The following UMAD1 variants were observed in gnomAD, a reference collection of about 807,000 sequenced individuals.
UMAD1 encodes UBAP1-MVB12-associated (UMA) domain containing 1.
In UMAD1, 8 loss-of-function variants were observed where a neutral mutation model predicts 6.1. That is an observed-to-expected ratio of 1.30 (90% CI 0.76 to 2.35). The LOEUF (loss-of-function observed/expected upper bound fraction) is 2.35. Ranked by LOEUF, UMAD1 falls within the 30% of genes most tolerant of loss-of-function variation. UMAD1 has a pLI of 0.00. For synonymous variants in UMAD1, 56 were observed against 31.4 expected (o/e 1.78, Z -2.61); for missense variants, 130 against 78.4 (o/e 1.66, Z -2.49).
intron 2 of UMAD1, among the ~76,000 whole-genome samples, chr7:7,744,635 T>G (rs1470335217): frequency 6.6e-6 from 1 of 151,748 alleles, no homozygotes; most frequent in South Asian, 2.1e-4. Flanking sequence ...GTGAGTGTGA[T>G]ATAGTAGTTC....
chr7:7,777,493 G>T (rs1380396292), intron 2 of UMAD1, among the ~76,000 whole-genome samples: 1 of 128,000 alleles, frequency 7.8e-6, no homozygotes, highest in Non-Finnish European at 1.6e-5. Context: ...GAGACAGTGT[G>T]AGACTCCATC....
chr7:7,852,838 A>G (rs1783943604), intron 3 of UMAD1, among the ~76,000 whole-genome samples: 1 of 152,222 alleles, frequency 6.6e-6, no homozygotes, highest in South Asian at 2.1e-4. Context: ...GTGACTGGAC[A>G]AAATGGATAT....
intron 3 of UMAD1, among the ~76,000 whole-genome samples, chr7:7,805,660 C>A (rs192593445): frequency 6.6e-6 from 1 of 152,274 alleles, no homozygotes; most frequent in Admixed American, 6.5e-5. Flanking sequence ...TCTCTAATCT[C>A]ATTTTTCTCC....
At chr7:7,687,660 G>A (rs28912728) in intron 2 of UMAD1, among the ~76,000 whole-genome samples, 1 of 152,270 alleles carries the variant, frequency 6.6e-6, no homozygotes, top group East Asian at 1.9e-4. Context: ...CCAAACTCTG[G>A]TTGTCAGTTA....
intron 3 of UMAD1, among the ~76,000 whole-genome samples, chr7:7,865,275 C>T (rs2115335967): frequency 6.6e-6 from 1 of 152,286 alleles, no homozygotes; most frequent in African/African-American, 2.4e-5. Context: ...ATCCCTGAAC[C>T]TGTGGGGTTT....
At chr7:7,821,065 G>A (rs1257470583) in intron 3 of UMAD1, among the ~76,000 whole-genome samples, 7 of 152,084 alleles carry the variant, frequency 4.6e-5, no homozygotes, top group African/African-American at 1.4e-4. Context: ...TAGCTTTCTG[G>A]TATTTTGTAG....
At chr7:7,858,631 C>T (rs1563265323) in intron 3 of UMAD1, among the ~76,000 whole-genome samples, 1 of 152,140 alleles carries the variant, frequency 6.6e-6, no homozygotes, top group Non-Finnish European at 1.5e-5. Context: ...GTTGCTTCTT[C>T]CTCTCAGTCA....
intron 3 of UMAD1, among the ~76,000 whole-genome samples, chr7:7,842,766 A>G (rs1783707632): frequency 1.3e-5 from 2 of 152,188 alleles, no homozygotes; most frequent in Non-Finnish European, 2.9e-5. Context: ...CTTTTAGCCT[A>G]TCCTGAGAAA....
chr7:7,718,773 T>G (rs964026545), intron 2 of UMAD1, among the ~76,000 whole-genome samples: 1 of 152,184 alleles, frequency 6.6e-6, no homozygotes, highest in Non-Finnish European at 1.5e-5. Flanking sequence ...GAACCTTTCT[T>G]TTTTCTTTCT....
intron 2 of UMAD1, among the ~76,000 whole-genome samples, chr7:7,689,136 G>A (rs1370012673): frequency 2.0e-5 from 3 of 152,092 alleles, no homozygotes; most frequent in South Asian, 2.1e-4. Flanking sequence ...AGCCAGTCAC[G>A]GTAGTCTAAT....
At chr7:7,813,319 C>T (rs1783060134) in intron 3 of UMAD1, among the ~76,000 whole-genome samples, 1 of 152,126 alleles carries the variant, frequency 6.6e-6, no homozygotes. Context: ...ATTCTCCTGC[C>T]TCAACCTCCC....
chr7:7,811,550 T>C (rs1318689186), intron 3 of UMAD1, among the ~76,000 whole-genome samples: 1 of 152,188 alleles, frequency 6.6e-6, no homozygotes, highest in East Asian at 1.9e-4. Flanking sequence ...CTTCAATTCT[T>C]AGTCCATGAA....
intron 2 of UMAD1, among the ~76,000 whole-genome samples, chr7:7,758,048 G>T (rs944570016): frequency 6.6e-6 from 1 of 151,832 alleles, no homozygotes; most frequent in African/African-American, 2.4e-5. Context: ...GCTTGTTTGG[G>T]TTTTTTTAAA....
At chr7:7,838,438 T>C (rs1783612075) in intron 3 of UMAD1, among the ~76,000 whole-genome samples, 1 of 152,184 alleles carries the variant, frequency 6.6e-6, no homozygotes, top group African/African-American at 2.4e-5. Flanking sequence ...ATAAGAAGCA[T>C]ACAGGACCAT....
chr7:7,766,061 G>C (rs1282282090), intron 2 of UMAD1, among the ~76,000 whole-genome samples: 2 of 151,700 alleles, frequency 1.3e-5, no homozygotes, highest in African/African-American at 4.8e-5. Flanking sequence ...TGGATCTTCT[G>C]TTAGAATCCA....
chr7:7,685,626 G>A (rs1302976161), intron 2 of UMAD1, among the ~76,000 whole-genome samples: 1 of 152,124 alleles, frequency 6.6e-6, no homozygotes, highest in African/African-American at 2.4e-5. Context: ...CTTTATAAAT[G>A]TGAATTTCTA....
intron 3 of UMAD1, among the ~76,000 whole-genome samples, chr7:7,817,799 G>T (rs2115292309): frequency 6.6e-6 from 1 of 152,174 alleles, no homozygotes; most frequent in South Asian, 2.1e-4. Flanking sequence ...CCTTTTAGAT[G>T]TTTCAGTATG....
At chr7:7,806,190 T>C (rs1405738137) in intron 3 of UMAD1, among the ~76,000 whole-genome samples, 1 of 152,054 alleles carries the variant, frequency 6.6e-6, no homozygotes, top group African/African-American at 2.4e-5. Flanking sequence ...CACTAGACTA[T>C]TATTAGATGA....
chr7:7,813,960 G>A (rs192737774), intron 3 of UMAD1, among the ~76,000 whole-genome samples: 10 of 152,072 alleles, frequency 6.6e-5, no homozygotes, highest in Admixed American at 1.3e-4. Flanking sequence ...GTCCTACTTA[G>A]GTATTCTAAT....
Sources: gnomAD v4.1 joint callset for allele counts (sites outside exome capture counted in the v4.1 genomes callset) on GRCh38, gnomAD v4.1.1 for gene constraint, MANE v1.5 for transcripts, NCBI Gene and HGNC (gene_info 2026-07-23, HGNC 2026-07-21) for gene names.